EBF1: variants seen among roughly 807,000 people sequenced by gnomAD.
The protein encoded by EBF1 is transcription factor COE1.
A neutral mutation model predicts 68.4 loss-of-function variants in EBF1; 10 were observed. The ratio of observed to expected loss-of-function variants is 0.15; its 90% CI spans 0.09 to 0.25. EBF1 has a LOEUF of 0.25. Among genes scored for constraint, EBF1 ranks in the 10% least tolerant of loss-of-function variants. The pLI is 1.00. For synonymous variants in EBF1, 298 were observed against 299.8 expected, an observed-to-expected ratio of 0.99 and a Z score of 0.06; for missense variants, 509 against 794.4, an observed-to-expected ratio of 0.64 and a Z score of 4.32.
chr5:158,864,189 A>T (rs985622326), intron 6 of EBF1, among the ~76,000 whole-genome samples: 2 of 136,186 alleles, frequency 1.5e-5, no homozygotes, highest in African/African-American at 5.7e-5. Context: ...ATGCCACTGC[A>T]CTCCAGCCTG....
intron 6 of EBF1, among the ~76,000 whole-genome samples, chr5:159,060,316 A>G (rs999829506): frequency 6.6e-6 from 1 of 152,236 alleles, no homozygotes; most frequent in East Asian, 1.9e-4. Context: ...ATGTAAAAAA[A>G]GCATGTCATA....
chr5:158,876,213 C>G (rs938952674), intron 6 of EBF1, among the ~76,000 whole-genome samples: 1 of 152,134 alleles, frequency 6.6e-6, no homozygotes, highest in Non-Finnish European at 1.5e-5. Flanking sequence ...TTACAGTGAG[C>G]TTGCAATAAA....
intron 6 of EBF1, among the ~76,000 whole-genome samples, chr5:159,007,980 T>C (rs997631341): frequency 2.6e-5 from 4 of 152,220 alleles, no homozygotes; most frequent in African/African-American, 9.6e-5. Flanking sequence ...TACCATAGCA[T>C]ACCAAGTGAA....
chr5:158,696,292 G>T lies in EBF1; in HGVS notation c.*2819C>A, dbSNP rs1019308866. The T allele has an allele frequency of 2.7e-5, 6 of 219,844 alleles. No homozygotes were observed. The highest frequency in any genetic ancestry group is 9.0e-5 in the African/African-American group (4 of 44,464). The allele number at this position is 219,844 out of a possible 1,614,324, so 13.6% of individuals were successfully genotyped here. A position where few individuals can be genotyped will look rare whatever the true frequency, so the allele number is the denominator to read the frequency against. On this transcript the variant is annotated 3_prime_UTR_variant, in exon 16 of 16. Coordinates refer to ENST00000313708, the MANE Select transcript of EBF1 (RefSeq NM_024007.5). The stretch of plus-strand genomic sequence containing the variant: ...CATCTTTTATTTGTAAAACTTTTGT[G>T]GAGAAGAAAGAGGATCAGAGGGCCA...
At chr5:159,015,721 G>A (rs2127695722) in intron 6 of EBF1, among the ~76,000 whole-genome samples, 1 of 152,286 alleles carries the variant, frequency 6.6e-6, no homozygotes, top group Middle Eastern at 3.4e-3. Flanking sequence ...TGTAAGCACT[G>A]GGGACAGTGG....
intron 10 of EBF1, among the ~76,000 whole-genome samples, chr5:158,741,581 A>C (rs1766426188): frequency 6.6e-6 from 1 of 151,992 alleles, no homozygotes. Context: ...TCTTTAAAAA[A>C]AAAAAAAAAA....
chr5:158,889,878 T>A (rs2128106120), intron 6 of EBF1, among the ~76,000 whole-genome samples: 1 of 152,264 alleles, frequency 6.6e-6, no homozygotes. Context: ...GAAAATAAAA[T>A]AAATGTTTAA....
At chr5:158,968,897 C>T (rs572860321) in intron 6 of EBF1, among the ~76,000 whole-genome samples, 2 of 152,188 alleles carry the variant, frequency 1.3e-5, no homozygotes, top group African/African-American at 4.8e-5. Flanking sequence ...TCCCTAGCAC[C>T]CCTCCCAGCC....
chr5:159,085,449 A>C (rs879225752), intron 4 of EBF1, among the ~76,000 whole-genome samples: 1 of 152,150 alleles, frequency 6.6e-6, no homozygotes, highest in African/African-American at 2.4e-5. Flanking sequence ...CACCAGCCCA[A>C]ATAGTTTTTT....
At chr5:158,749,384 A>T (rs1768272226) in intron 10 of EBF1, among the ~76,000 whole-genome samples, 2 of 152,302 alleles carry the variant, frequency 1.3e-5, no homozygotes, top group Admixed American at 6.5e-5. Flanking sequence ...TTTGGAAATA[A>T]ACTCAGAATC....
At chr5:159,073,280 A>G in intron 6 of EBF1, 116 bp downstream of exon 6, 1 of 1,084,046 alleles carries the variant, frequency 9.2e-7, no homozygotes, top group South Asian at 1.4e-5. Flanking sequence ...GTAAGTCATG[A>G]CCAACAGGCA....
At chr5:158,792,231 AAAAAGAGGGAGAGGAGAAATCGCAAG>A (rs1240354645) in intron 9 of EBF1, among the ~76,000 whole-genome samples, 1 of 152,230 alleles carries the variant, frequency 6.6e-6, no homozygotes, top group African/African-American at 2.4e-5. Context: ...TTTACTTTCT[AAAAAGAGGGAGAGGAGAAATCGCAAG>A]AAACAATAAA....
At chr5:158,999,293 T>C (rs1762057098) in intron 6 of EBF1, among the ~76,000 whole-genome samples, 1 of 152,194 alleles carries the variant, frequency 6.6e-6, no homozygotes, top group Non-Finnish European at 1.5e-5. Context: ...TACTTATAAT[T>C]AGTTTCCATA....
intron 4 of EBF1, among the ~76,000 whole-genome samples, chr5:159,091,139 T>C (rs1197452543): frequency 6.6e-6 from 1 of 152,218 alleles, no homozygotes; most frequent in Non-Finnish European, 1.5e-5. Flanking sequence ...TACTAATATG[T>C]TCGTTTTTAA....
intron 7 of EBF1, among the ~76,000 whole-genome samples, chr5:158,827,673 T>C (rs1366070163): frequency 6.6e-6 from 1 of 152,164 alleles, no homozygotes; most frequent in East Asian, 1.9e-4. Flanking sequence ...TCATGAAGCA[T>C]AACCTCTGTC....
intron 5 of EBF1, among the ~76,000 whole-genome samples, chr5:159,078,885 A>C (rs972217542): frequency 5.3e-5 from 8 of 152,318 alleles, no homozygotes; most frequent in African/African-American, 1.9e-4. Flanking sequence ...GAGCTTCATA[A>C]ACTAGAGCAA....
chr5:159,095,747 C>T, intron 3 of EBF1, 72 bp from the exon 4 acceptor site: 1 of 1,520,892 alleles, frequency 6.6e-7, no homozygotes, highest in Non-Finnish European at 9.1e-7. Flanking sequence ...CAATAATTAA[C>T]AACAACAAAA....
chr5:158,762,728 G>A (rs1278372010), intron 10 of EBF1, among the ~76,000 whole-genome samples: 3 of 152,070 alleles, frequency 2.0e-5, no homozygotes, highest in East Asian at 3.9e-4. Context: ...GTAGAGACGG[G>A]GTTTCACCAT....
At chr5:159,004,299 T>C (rs987308580) in intron 6 of EBF1, among the ~76,000 whole-genome samples, 1 of 151,620 alleles carries the variant, frequency 6.6e-6, no homozygotes, top group Non-Finnish European at 1.5e-5. Flanking sequence ...AAAAAACTGC[T>C]TCTCAGTGAT....
Sources: allele counts gnomAD v4.1 joint callset (sites outside exome capture counted in the v4.1 genomes callset), GRCh38; gene constraint gnomAD v4.1.1; transcripts MANE v1.5; gene names NCBI Gene and HGNC (gene_info 2026-07-23, HGNC 2026-07-21).